PLEKHG1: variants seen among roughly 807,000 people sequenced by gnomAD.
The protein encoded by PLEKHG1 is pleckstrin homology and RhoGEF domain containing G1, also known as pleckstrin homology domain-containing family G member 1.
A neutral mutation model predicts 100.8 loss-of-function variants in PLEKHG1; 44 were observed. That is an observed-to-expected ratio of 0.44 (90% CI 0.34 to 0.56). PLEKHG1 has a LOEUF of 0.56. Ranked by LOEUF, PLEKHG1 falls within the 20% of genes least tolerant of loss-of-function variation. The pLI is 0.01. For synonymous variants in PLEKHG1, 640 were observed against 662.5 expected (o/e 0.97, Z 0.52); for missense variants, 1,545 against 1,720.9 (o/e 0.90, Z 1.81).
intron 3 of PLEKHG1, among the ~76,000 whole-genome samples, chr6:150,689,564 T>C (rs1261782883): frequency 1.3e-5 from 2 of 152,200 alleles, no homozygotes; most frequent in African/African-American, 2.4e-5. Context: ...ACTTTTATGT[T>C]TCAGAAAACA....
In PLEKHG1 at chr6:150,734,108, C is replaced by G. The variant is rs1167918148; in HGVS notation, c.411+16C>G. On this transcript the variant is annotated intron_variant, in intron 2 of 15. Transcript: ENST00000358517. ...CATCGTAGAGGTAAGACCGACTTCG[C>G]TTTTAATGTTTGCCATGCAGGAGAA... 1 of 1,587,192 alleles carries G rather than the reference C, an allele frequency of 6.3e-7. No homozygotes were observed. Among genetic ancestry groups the G allele is most frequent in the Non-Finnish European group, 8.6e-7 (1 of 1,164,460 alleles).
intron 4 of PLEKHG1, among the ~76,000 whole-genome samples, chr6:150,789,435 G>A (rs951131717): frequency 6.6e-6 from 1 of 152,036 alleles, no homozygotes; most frequent in Non-Finnish European, 1.5e-5. Flanking sequence ...AAACCTAAGG[G>A]CAAACTTGCA....
At chr6:150,807,907 T>A (rs960886668) in intron 7 of PLEKHG1, among the ~76,000 whole-genome samples, 2 of 152,064 alleles carry the variant, frequency 1.3e-5, no homozygotes, top group Non-Finnish European at 2.9e-5. Flanking sequence ...AGGGAGAGGT[T>A]GCAGTGAGCC....
At chr6:150,630,661 C>A (rs977280732) in intron 1 of PLEKHG1, among the ~76,000 whole-genome samples, 1 of 152,060 alleles carries the variant, frequency 6.6e-6, no homozygotes, top group African/African-American at 2.4e-5. Context: ...CAGGTAGGTA[C>A]GTGGATGTGT....
At chr6:150,618,445 C>T (rs1274284340) in intron 1 of PLEKHG1, among the ~76,000 whole-genome samples, 1 of 152,146 alleles carries the variant, frequency 6.6e-6, no homozygotes, top group Non-Finnish European at 1.5e-5. Flanking sequence ...TGCCAATATC[C>T]ATGGTGTGGA....
intron 3 of PLEKHG1, among the ~76,000 whole-genome samples, chr6:150,658,819 C>G (rs1374602801): frequency 6.6e-6 from 1 of 152,194 alleles, no homozygotes; most frequent in Admixed American, 6.5e-5. Flanking sequence ...TACCAGCTGT[C>G]TCATCTCTGC....
intron 3 of PLEKHG1, among the ~76,000 whole-genome samples, chr6:150,775,532 A>T (rs1354465480): frequency 6.6e-6 from 1 of 152,196 alleles, no homozygotes; most frequent in Non-Finnish European, 1.5e-5. Context: ...CTAATAGTGT[A>T]AGGATGAATG....
chr6:150,677,302 ACGCGCG>A (rs377732298), intron 3 of PLEKHG1, among the ~76,000 whole-genome samples: 1 of 144,304 alleles, frequency 6.9e-6, no homozygotes, highest in Non-Finnish European at 1.5e-5. Flanking sequence ...ACACACACAC[ACGCGCG>A]CGCGCACACA....
At chr6:150,798,601 T>C (rs980845898) in intron 5 of PLEKHG1, among the ~76,000 whole-genome samples, 24 of 152,184 alleles carry the variant, frequency 1.6e-4, no homozygotes, top group African/African-American at 5.8e-4. Context: ...CTTCAAGCAG[T>C]TTCTGTTCTT....
At chr6:150,821,455 G>A (rs1462112669) in intron 13 of PLEKHG1, among the ~76,000 whole-genome samples, 3 of 152,114 alleles carry the variant, frequency 2.0e-5, no homozygotes, top group South Asian at 2.1e-4. Context: ...AGGCCGAGGC[G>A]GGCGGCTCTG....
chr6:150,831,880 T>C lies in PLEKHG1; in HGVS notation c.2769T>C (p.Ser923=). The C allele has an allele frequency of 1.2e-6, 2 of 1,613,990 alleles. No homozygotes were observed. Among genetic ancestry groups the C allele is most frequent in the South Asian group, 1.1e-5 (1 of 91,074 alleles). The change falls in exon 15 of 16, where the codon TCT becomes TCC. Residue 923 remains serine (S), a synonymous_variant. Transcript: ENST00000358517. The surrounding 1 kb of genome is among the most constrained non-coding windows in gnomAD (Gnocchi z 4.1). ...GCCCCTTTGAGGAAGACCTGATTTC[T>C]AAAGAAGGCTCCTTTATGAGCCTTA...
intron 4 of PLEKHG1, among the ~76,000 whole-genome samples, chr6:150,791,948 T>A (rs909231038): frequency 3.2e-4 from 49 of 152,280 alleles, no homozygotes; most frequent in Admixed American, 3.9e-4. Context: ...GTTGCTATTG[T>A]TATTCTGAAA....
intron 3 of PLEKHG1, among the ~76,000 whole-genome samples, chr6:150,693,772 T>C (rs1471068850): frequency 6.6e-6 from 1 of 152,236 alleles, no homozygotes; most frequent in Non-Finnish European, 1.5e-5. Flanking sequence ...GCACCAATCA[T>C]GCATAAATCA....
intron 2 of PLEKHG1, among the ~76,000 whole-genome samples, chr6:150,756,571 A>G (rs747453300): frequency 1.3e-5 from 2 of 151,614 alleles, no homozygotes; most frequent in East Asian, 1.9e-4. Flanking sequence ...TAATATATAC[A>G]ACTGCATTGC....
intron 1 of PLEKHG1, among the ~76,000 whole-genome samples, chr6:150,618,811 T>A (rs1369892341): frequency 6.6e-6 from 1 of 152,220 alleles, no homozygotes; most frequent in Non-Finnish European, 1.5e-5. Context: ...AAAAACAGGC[T>A]GGATGCTCAA....
chr6:150,649,843 C>T (rs1293876529), intron 2 of PLEKHG1, among the ~76,000 whole-genome samples: 1 of 152,092 alleles, frequency 6.6e-6, no homozygotes, highest in Non-Finnish European at 1.5e-5. Flanking sequence ...AACCCTGTCT[C>T]TACTAAAAAT....
intron 2 of PLEKHG1, among the ~76,000 whole-genome samples, chr6:150,740,945 ATTG>A (rs1162310099): frequency 6.6e-6 from 1 of 152,132 alleles, no homozygotes; most frequent in East Asian, 1.9e-4. Context: ...TCTCTGTGTT[ATTG>A]TTGTTGTTAT....
At chr6:150,691,991 G>T (rs553395767) in intron 3 of PLEKHG1, among the ~76,000 whole-genome samples, 1 of 152,196 alleles carries the variant, frequency 6.6e-6, no homozygotes, top group Non-Finnish European at 1.5e-5. Context: ...TTCCTGTCCC[G>T]CTGGGACATG....
At chr6:150,777,710 G>A (rs540422145) in intron 3 of PLEKHG1, among the ~76,000 whole-genome samples, 263 of 140,460 alleles carry the variant, frequency 1.9e-3, no homozygotes, top group Non-Finnish European at 2.8e-3. Context: ...GCACATGTGC[G>A]GTTGCACATT....
Sources: allele counts gnomAD v4.1 joint callset (sites outside exome capture counted in the v4.1 genomes callset), GRCh38; gene constraint gnomAD v4.1.1; non-coding constraint Gnocchi (gnomAD v3.1); transcripts MANE v1.5; gene names NCBI Gene and HGNC (gene_info 2026-07-23, HGNC 2026-07-21).